Variants in FOXN3 observed in about 807,000 individuals in gnomAD.
FOXN3 encodes forkhead box protein N3.
In FOXN3, 7 loss-of-function variants were observed where a neutral mutation model predicts 38.4. The observed-to-expected ratio is 0.18, with a 90% CI of 0.10 to 0.34. The LOEUF (loss-of-function observed/expected upper bound fraction) is 0.34. Ranked by LOEUF, FOXN3 falls within the 10% of genes least tolerant of loss-of-function variation. FOXN3 has a pLI of 1.00. For synonymous variants in FOXN3, 230 were observed against 242.2 expected (o/e 0.95, Z 0.47); for missense variants, 456 against 613.4 (o/e 0.74, Z 2.71).
At chr14:89,489,862 G>A (rs183551047) in intron 1 of FOXN3, among the ~76,000 whole-genome samples, 7 of 152,230 alleles carry the variant, frequency 4.6e-5, no homozygotes, top group East Asian at 1.9e-4. Context: ...ACACGCGCGC[G>A]CATGCACACA....
chr14:89,210,630 A>G (rs1566929897), intron 4 of FOXN3, among the ~76,000 whole-genome samples: 1 of 152,232 alleles, frequency 6.6e-6, no homozygotes. Context: ...TAATTAACAC[A>G]AACAAGCCAC....
intron 1 of FOXN3, among the ~76,000 whole-genome samples, chr14:89,608,614 A>C (rs1051899690): frequency 6.6e-6 from 1 of 152,178 alleles, no homozygotes; most frequent in African/African-American, 2.4e-5. Flanking sequence ...CAGCTCCCAG[A>C]AGGCAAGAAA....
chr14:89,516,260 T>G (rs1358720693), intron 1 of FOXN3, among the ~76,000 whole-genome samples: 1 of 152,136 alleles, frequency 6.6e-6, no homozygotes, highest in Non-Finnish European at 1.5e-5. Context: ...AAAAATGGGA[T>G]CTGGCTAAAG....
intron 1 of FOXN3, among the ~76,000 whole-genome samples, chr14:89,442,183 C>T (rs1425235836): frequency 1.3e-5 from 2 of 152,234 alleles, no homozygotes; most frequent in East Asian, 3.9e-4. Context: ...ACCTCAGCCT[C>T]CCAAAGTGCT....
At chr14:89,591,064 C>T (rs1249833029) in intron 1 of FOXN3, among the ~76,000 whole-genome samples, 2 of 152,306 alleles carry the variant, frequency 1.3e-5, no homozygotes, top group South Asian at 2.1e-4. Context: ...TCTTGTGTCA[C>T]ATAAGGCTAT....
chr14:89,286,246 GA>G (rs1320085798), intron 3 of FOXN3, among the ~76,000 whole-genome samples: 1 of 152,128 alleles, frequency 6.6e-6, no homozygotes, highest in Non-Finnish European at 1.5e-5. Context: ...GAGATGATAA[GA>G]AGGACTCTGA....
At chr14:89,392,667 G>A (rs1890984704) in intron 2 of FOXN3, among the ~76,000 whole-genome samples, 1 of 138,398 alleles carries the variant, frequency 7.2e-6, no homozygotes, top group Admixed American at 7.4e-5. Flanking sequence ...TTGAGATGGA[G>A]TCTCATTCTG....
At position 89,417,033 on chromosome 14, in the gene FOXN3, G is replaced by C. The variant is rs1891760604; in HGVS notation, c.-177C>G. On this transcript the variant is annotated 5_prime_UTR_variant, in exon 1 of 6. Transcript: ENST00000557258. ...GGCGGGCGGCGGGGGGCGGCCGCGG[G>C]CGCGGGCGGCAGGGGCGCGGGGGTC... 6.9e-6 allele frequency: 1 copy of C among 144,848 alleles called. No homozygotes were observed. The highest frequency in any genetic ancestry group is 2.5e-5 in the African/African-American group (1 of 40,406). 9.0% of individuals were successfully genotyped at this position (144,848 alleles called of 1,614,324 possible). A position where few individuals can be genotyped will look rare whatever the true frequency, so the allele number is the denominator to read the frequency against.
chr14:89,426,851 C>T (rs187610717), intron 1 of FOXN3, among the ~76,000 whole-genome samples: 148 of 152,248 alleles, frequency 9.7e-4, no homozygotes, highest in African/African-American at 3.2e-3. Flanking sequence ...CTTCAGAACA[C>T]CTGGCTTCTT....
At chr14:89,398,366 T>C (rs1891154037) in intron 2 of FOXN3, among the ~76,000 whole-genome samples, 1 of 152,226 alleles carries the variant, frequency 6.6e-6, no homozygotes. Flanking sequence ...ACAGCTGACA[T>C]TTATTTCTGT....
intron 4 of FOXN3, among the ~76,000 whole-genome samples, chr14:89,259,783 C>T (rs1566941039): frequency 1.3e-5 from 2 of 152,166 alleles, no homozygotes; most frequent in Non-Finnish European, 2.9e-5. Flanking sequence ...TCAACTCCCC[C>T]GACAGAAACC....
chr14:89,170,433 CT>C (rs1222453226), intron 5 of FOXN3, among the ~76,000 whole-genome samples: 3 of 152,106 alleles, frequency 2.0e-5, no homozygotes, highest in African/African-American at 7.2e-5. Flanking sequence ...TTTTTATCTA[CT>C]TATTTATTTT....
At chr14:89,524,329 C>G (rs1287632201) in intron 1 of FOXN3, among the ~76,000 whole-genome samples, 1 of 122,040 alleles carries the variant, frequency 8.2e-6, no homozygotes, top group African/African-American at 3.0e-5. Context: ...GAGCCGAGAT[C>G]GCACCACTGC....
chr14:89,521,649 T>C (rs867714647), intron 1 of FOXN3, among the ~76,000 whole-genome samples: 1 of 152,184 alleles, frequency 6.6e-6, no homozygotes, highest in Non-Finnish European at 1.5e-5. Flanking sequence ...TATATTTTCA[T>C]GTTTAAGAAA....
chr14:89,588,267 C>T (rs1028566680), intron 1 of FOXN3, among the ~76,000 whole-genome samples: 16 of 152,050 alleles, frequency 1.1e-4, no homozygotes, highest in Admixed American at 2.0e-4. Context: ...ACCAAGCAGA[C>T]GCCAGCATCA....
At chr14:89,308,174 A>G (rs1436314519) in intron 3 of FOXN3, among the ~76,000 whole-genome samples, 1 of 152,226 alleles carries the variant, frequency 6.6e-6, no homozygotes, top group Non-Finnish European at 1.5e-5. Flanking sequence ...CTGAGGCACG[A>G]GAATCATTTG....
At chr14:89,411,767 G>A (rs1891552321) in intron 2 of FOXN3, among the ~76,000 whole-genome samples, 167 bp downstream of exon 2, 1 of 151,938 alleles carries the variant, frequency 6.6e-6, no homozygotes, top group East Asian at 1.9e-4. Flanking sequence ...TAACTAATAG[G>A]CTTAGGGAAA....
rs932065332 is a variant in FOXN3, at chr14:89,310,514, A to G, written c.681-29500T>C. Among the ~76,000 whole-genome samples the G allele has an allele frequency of 5.9e-5, 9 of 152,346 alleles. No individual in the cohort carries two copies. The South Asian group carries it at 1.9e-3, about 32-fold the overall frequency. ...TTGAGTCATCTTTCTCTCAGTCGCA[A>G]AGACAACTACTAATGAATCCACTGA... On this transcript the variant is annotated intron_variant, in intron 3 of 5. Coordinates refer to ENST00000557258, the MANE Select transcript of FOXN3 (RefSeq NM_005197.4).
At chr14:89,397,543 G>A (rs1031674310) in intron 2 of FOXN3, among the ~76,000 whole-genome samples, 2 of 151,840 alleles carry the variant, frequency 1.3e-5, no homozygotes, top group African/African-American at 2.4e-5. Context: ...TCTGTGCTGT[G>A]GCTAGGCTCA....
Sources: gnomAD v4.1 joint callset for allele counts (sites outside exome capture counted in the v4.1 genomes callset) on GRCh38, gnomAD v4.1.1 for gene constraint, MANE v1.5 for transcripts, NCBI Gene and HGNC (gene_info 2026-07-23, HGNC 2026-07-21) for gene names.